The following JMY variants were observed in gnomAD, a reference collection of about 807,000 sequenced individuals.
The protein encoded by JMY is junction-mediating and -regulatory protein.
Under a neutral mutation model 103.3 loss-of-function variants are expected in JMY, and 46 were observed. That is an observed-to-expected ratio of 0.45 (90% CI 0.35 to 0.57). The LOEUF (loss-of-function observed/expected upper bound fraction) is 0.57, where lower values mean the gene tolerates loss of function less well. JMY is among the 20% of genes least tolerant of loss of function. JMY has a pLI of 0.00. For synonymous variants in JMY, 526 were observed against 489.3 expected (o/e 1.07, Z -0.99); for missense variants, 1,238 against 1,255.2 (o/e 0.99, Z 0.21).
intron 8 of JMY, among the ~76,000 whole-genome samples, chr5:79,313,330 G>T (rs1356350958): frequency 1.3e-5 from 2 of 152,010 alleles, no homozygotes; most frequent in African/African-American, 4.8e-5. Context: ...GAAGTGGGAG[G>T]ATTACCTGAG....
At chr5:79,318,290 C>T (rs1259897657) in intron 10 of JMY, among the ~76,000 whole-genome samples, 1 of 151,848 alleles carries the variant, frequency 6.6e-6, no homozygotes, top group Non-Finnish European at 1.5e-5. Context: ...GCTGGGATTA[C>T]AGGTGTGAGC....
In JMY at chr5:79,306,426, G is replaced by A; in HGVS notation, c.1933G>A (p.Glu645Lys). The A allele has an allele frequency of 6.2e-7, 1 of 1,613,348 alleles. No homozygotes were observed. Residue 645 changes from glutamate to lysine, a missense_variant, in exon 7 of 11, where the codon GAA (glutamate) becomes AAA (lysine). By Grantham distance (56) the Glu-to-Lys change is moderately conservative. Coordinates refer to ENST00000396137, the MANE Select transcript of JMY (RefSeq NM_152405.5). ...AAAAATCCAACAGCGCACTCGGATT[G>A]AAGATGAATATAGAACCCATCACAC... is the stretch of plus-strand genomic sequence containing the variant. ...NEKIQQRTRI[E>K]DEYRTHHTVQ...
Position 79,284,420 on chromosome 5 carries a change from ATCT to A in JMY, c.1207-5695_1207-5693del, listed in dbSNP as rs537741305. On this transcript the variant is annotated intron_variant, in intron 2 of 10. Transcript: ENST00000396137. ...CACCTCTCGGGTCATGATTTCCATC[ATCT>A]TCTTCCGGATTTGGCGGACCCGTTG... 60 of 1,470,402 alleles carry A rather than the reference ATCT, an allele frequency of 4.1e-5. No homozygotes were observed. The East Asian group carries it at 7.7e-4, about 19-fold the overall frequency. 91.1% of individuals were successfully genotyped at this position (1,470,402 alleles called of 1,614,324 possible). A position where few individuals can be genotyped will look rare whatever the true frequency, so the allele number is the denominator to read the frequency against.
In JMY at chr5:79,325,847, T is replaced by G. The variant is rs922189111; in HGVS notation, c.*4245T>G. 1 of 152,126 alleles carries G rather than the reference T, an allele frequency of 6.6e-6. No individual in the cohort carries two copies. The highest frequency in any genetic ancestry group is 2.4e-5 in the African/African-American group (1 of 41,424). 9.4% of individuals were successfully genotyped at this position (152,126 alleles called of 1,614,324 possible). ...AAACTATGTTATGTAAGCAAAGGGT[T>G]TGGAAAGGCGGGAGGGAGTCTAGAT... is the stretch of plus-strand genomic sequence containing the variant. On this transcript the variant is annotated 3_prime_UTR_variant, in exon 11 of 11. Coordinates refer to ENST00000396137, the MANE Select transcript of JMY (RefSeq NM_152405.5).
intron 9 of JMY, among the ~76,000 whole-genome samples, chr5:79,315,768 G>C (rs915102769): frequency 6.6e-6 from 1 of 152,178 alleles, no homozygotes; most frequent in Admixed American, 6.5e-5. Context: ...TGTAGGAAAT[G>C]ATAGGAATAC....
At chr5:79,297,108 T>C (rs924348265) in intron 4 of JMY, among the ~76,000 whole-genome samples, 14 of 152,192 alleles carry the variant, frequency 9.2e-5, no homozygotes, top group Admixed American at 7.9e-4. Context: ...AGAGCACTCT[T>C]GTAGGAATCA....
At chr5:79,264,280 T>A (rs1204129621) in intron 1 of JMY, among the ~76,000 whole-genome samples, 1 of 151,826 alleles carries the variant, frequency 6.6e-6, no homozygotes, top group Admixed American at 6.6e-5. Context: ...AGAGGTGGGG[T>A]TTTACTGTGT....
At chr5:79,287,314 C>G (rs754219918) in intron 2 of JMY, among the ~76,000 whole-genome samples, 1 of 152,184 alleles carries the variant, frequency 6.6e-6, no homozygotes, top group Non-Finnish European at 1.5e-5. Context: ...GTGATTTGCA[C>G]TCTCAAACCT....
At chr5:79,317,779 G>T (rs956298293) in intron 10 of JMY, among the ~76,000 whole-genome samples, 3 of 152,064 alleles carry the variant, frequency 2.0e-5, no homozygotes, top group Admixed American at 6.6e-5. Context: ...GCTCACTGCA[G>T]CCTCAACCTT....
At chr5:79,299,370 A>G (rs1746662140) in intron 4 of JMY, among the ~76,000 whole-genome samples, 1 of 152,308 alleles carries the variant, frequency 6.6e-6, no homozygotes, top group Middle Eastern at 3.4e-3. Context: ...ACAGCCAAAT[A>G]GAAAGCCATA....
At chr5:79,281,800 T>G (rs536439777) in intron 2 of JMY, among the ~76,000 whole-genome samples, 2 of 152,330 alleles carry the variant, frequency 1.3e-5, no homozygotes, top group South Asian at 4.1e-4. Flanking sequence ...TTGACCACTC[T>G]AAATGGATTC....
intron 1 of JMY, among the ~76,000 whole-genome samples, chr5:79,264,750 A>G (rs554469137): frequency 6.6e-6 from 1 of 152,260 alleles, no homozygotes; most frequent in African/African-American, 2.4e-5. Context: ...TTCAGTAATA[A>G]CAGTGTTTTT....
intron 1 of JMY, among the ~76,000 whole-genome samples, chr5:79,252,570 C>G (rs905037119): frequency 7.9e-5 from 12 of 152,080 alleles, no homozygotes; most frequent in Non-Finnish European, 1.8e-4. Context: ...ATGTTGAAGT[C>G]TCCAGGTATT....
At chr5:79,267,073 A>G (rs1209102090) in intron 1 of JMY, among the ~76,000 whole-genome samples, 1 of 152,236 alleles carries the variant, frequency 6.6e-6, no homozygotes. Flanking sequence ...CAGAGATTCC[A>G]TACTTCATAC....
At chr5:79,287,230 A>G (rs1423809868) in intron 2 of JMY, among the ~76,000 whole-genome samples, 1 of 152,198 alleles carries the variant, frequency 6.6e-6, no homozygotes, top group Admixed American at 6.5e-5. Flanking sequence ...AACAGCCACC[A>G]GTTGAAGTCA....
intron 1 of JMY, among the ~76,000 whole-genome samples, chr5:79,259,185 G>A (rs965203970): frequency 1.3e-5 from 2 of 152,110 alleles, no homozygotes; most frequent in African/African-American, 2.4e-5. Context: ...TCATCCCGAC[G>A]AGTGTCCAGC....
intron 7 of JMY, among the ~76,000 whole-genome samples, chr5:79,310,273 G>C (rs11952003): frequency 0.62 from 93,540 of 151,474 alleles, 29,507 homozygotes; most frequent in African/African-American, 0.76. Context: ...GTTGGCCAGG[G>C]TGGTCTCAAA....
intron 1 of JMY, among the ~76,000 whole-genome samples, chr5:79,242,513 G>C (rs1313525456): frequency 6.6e-6 from 1 of 152,118 alleles, no homozygotes; most frequent in African/African-American, 2.4e-5. Context: ...TGAGATCAGT[G>C]GGTGTTTTAT....
chr5:79,277,030 C>G (rs922578202), intron 1 of JMY, among the ~76,000 whole-genome samples: 1 of 152,178 alleles, frequency 6.6e-6, no homozygotes, highest in African/African-American at 2.4e-5. Context: ...AGCCACTGCA[C>G]CTGGCCTCAT....
Sources: gnomAD v4.1 joint callset for allele counts (sites outside exome capture counted in the v4.1 genomes callset) on GRCh38, gnomAD v4.1.1 for gene constraint, MANE v1.5 for transcripts, NCBI Gene and HGNC (gene_info 2026-07-23, HGNC 2026-07-21) for gene names.